The following VDAC1 variants were observed in gnomAD, a reference collection of about 807,000 sequenced individuals.
VDAC1 encodes non-selective voltage-gated ion channel VDAC1.
In VDAC1, 10 loss-of-function variants were observed where a neutral mutation model predicts 34.7. That is an observed-to-expected ratio of 0.29 (90% CI 0.18 to 0.49). VDAC1 has a LOEUF of 0.49. Among genes scored for constraint, VDAC1 ranks in the 20% least tolerant of loss-of-function variants. The pLI is 0.99. For missense variants in VDAC1, 230 were observed against 347.9 expected, an observed-to-expected ratio of 0.66 and a Z score of 2.69; for synonymous variants, 130 against 136.0, an observed-to-expected ratio of 0.96 and a Z score of 0.30.
At chr5:134,064,946 G>T in the VDAC1 span, among the ~76,000 whole-genome samples, 9 of 151,760 alleles carry the variant, frequency 5.9e-5, no homozygotes, top group Non-Finnish European at 1.0e-4. Flanking sequence ...TCTTGAACTT[G>T]TGAGCTCAAG....
intron 1 of VDAC1, among the ~76,000 whole-genome samples, chr5:134,000,670 T>C (rs529658821): frequency 6.7e-6 from 1 of 150,236 alleles, no homozygotes; most frequent in African/African-American, 2.5e-5. Flanking sequence ...TCGCAACCTC[T>C]CTACTCCTTT....
chr5:134,023,814 C>T, the VDAC1 span, among the ~76,000 whole-genome samples: 1 of 151,954 alleles, frequency 6.6e-6, no homozygotes, highest in African/African-American at 2.4e-5. Flanking sequence ...GAAGGCCTCT[C>T]CAAAGAGGTG....
chr5:134,055,588 G>GTTTTTTTTTTTTTTTTTTTTTTTT, the VDAC1 span, among the ~76,000 whole-genome samples: 7 of 59,616 alleles, frequency 1.2e-4, no homozygotes, highest in South Asian at 1.0e-3. Context: ...CCCCGCTAAT[G>GTTTTTTTTTTTTTTTTTTTTTTTT]TTTTTTTTTT....
At chr5:134,082,061 G>C in the VDAC1 span, 1 of 155,744 alleles carries the variant, frequency 6.4e-6, no homozygotes, top group African/African-American at 2.4e-5. Flanking sequence ...AGGGAGGGTA[G>C]GGAGGGCATG....
the VDAC1 span, among the ~76,000 whole-genome samples, chr5:134,113,260 A>C: frequency 6.6e-6 from 1 of 152,088 alleles, no homozygotes; most frequent in Non-Finnish European, 1.5e-5. Context: ...GCCACCCCCC[A>C]GCCCCAGCCT....
chr5:134,064,559 C>G, the VDAC1 span, among the ~76,000 whole-genome samples: 83 of 151,948 alleles, frequency 5.5e-4, no homozygotes, highest in African/African-American at 2.0e-3. Context: ...CCACCTCGGC[C>G]TCCCAAAGTG....
At chr5:134,015,328 C>G in the VDAC1 span, among the ~76,000 whole-genome samples, 435 of 152,154 alleles carry the variant, frequency 2.9e-3, 3 homozygotes, top group African/African-American at 9.3e-3. Context: ...GCAATATACC[C>G]TTGTAACAAA....
At chr5:133,981,991 T>C (rs1165200663) in intron 5 of VDAC1, among the ~76,000 whole-genome samples, 5 of 152,168 alleles carry the variant, frequency 3.3e-5, no homozygotes, top group African/African-American at 9.7e-5. Context: ...ATGGAACCAG[T>C]GCTCCTTGGA....
the VDAC1 span, among the ~76,000 whole-genome samples, chr5:134,053,612 C>A: frequency 6.6e-6 from 1 of 152,186 alleles, no homozygotes; most frequent in Non-Finnish European, 1.5e-5. Flanking sequence ...TATGGACACC[C>A]CATCCTGTCC....
At chr5:134,054,056 G>A in the VDAC1 span, among the ~76,000 whole-genome samples, 12 of 152,174 alleles carry the variant, frequency 7.9e-5, no homozygotes, top group Admixed American at 3.3e-4. Flanking sequence ...TAACCATTTG[G>A]TATAAGCAGT....
chr5:133,986,006 G>T (rs772380147), intron 5 of VDAC1, among the ~76,000 whole-genome samples: 1 of 152,212 alleles, frequency 6.6e-6, no homozygotes, highest in African/African-American at 2.4e-5. Flanking sequence ...CAGTGCTGGG[G>T]AGTGGCTCAG....
the VDAC1 span, among the ~76,000 whole-genome samples, chr5:134,053,377 G>T: frequency 6.6e-6 from 1 of 152,156 alleles, no homozygotes. Context: ...CACCCACCAT[G>T]CCTGGGGATA....
chr5:133,977,686 CACA>C (rs1752531166), intron 6 of VDAC1, among the ~76,000 whole-genome samples: 1 of 152,192 alleles, frequency 6.6e-6, no homozygotes, highest in Non-Finnish European at 1.5e-5. Context: ...GTTGTTTATA[CACA>C]CAGTGCATAC....
the VDAC1 span, among the ~76,000 whole-genome samples, chr5:134,025,352 A>G: frequency 6.6e-6 from 1 of 152,308 alleles, no homozygotes; most frequent in South Asian, 2.1e-4. Context: ...GCCATTCATC[A>G]TTCATAAGAG....
chr5:134,036,303 C>T, the VDAC1 span, among the ~76,000 whole-genome samples: 2 of 152,098 alleles, frequency 1.3e-5, no homozygotes, highest in Non-Finnish European at 2.9e-5. Context: ...GAGAATAGCA[C>T]GTCACTGCTG....
At chr5:133,983,071 G>C (rs1172460214) in intron 5 of VDAC1, among the ~76,000 whole-genome samples, 1 of 150,222 alleles carries the variant, frequency 6.7e-6, no homozygotes, top group Non-Finnish European at 1.5e-5. Flanking sequence ...CCAACACGGA[G>C]AAATCCCGTC....
the VDAC1 span, among the ~76,000 whole-genome samples, chr5:134,026,411 AG>A: frequency 2.1e-4 from 30 of 145,978 alleles, no homozygotes; most frequent in Admixed American, 9.8e-4. Flanking sequence ...GCTACTCGGG[AG>A]GCTGAGGCAG....
chr5:134,015,945 C>T, the VDAC1 span, among the ~76,000 whole-genome samples: 1 of 152,024 alleles, frequency 6.6e-6, no homozygotes, highest in Non-Finnish European at 1.5e-5. Flanking sequence ...GCCCCGTCTA[C>T]ACCCAGGCAA....
chr5:134,101,323 C>T, the VDAC1 span, among the ~76,000 whole-genome samples: 1 of 152,308 alleles, frequency 6.6e-6, no homozygotes, highest in South Asian at 2.1e-4. Flanking sequence ...GGCGCGGTGG[C>T]TCACGCCTGT....
Sources: gnomAD v4.1 joint callset for allele counts (sites outside exome capture counted in the v4.1 genomes callset) on GRCh38, gnomAD v4.1.1 for gene constraint, MANE v1.5 for transcripts, NCBI Gene and HGNC (gene_info 2026-07-23, HGNC 2026-07-21) for gene names.